The following RNF169 variants were observed in gnomAD, a reference collection of about 807,000 sequenced individuals.
RNF169 encodes the protein E3 ubiquitin-protein ligase RNF169.
Under a neutral mutation model 53.9 loss-of-function variants are expected in RNF169, and 24 were observed. The observed-to-expected ratio is 0.45, with a 90% confidence interval of 0.32 to 0.63. The LOEUF is 0.63. RNF169 is among the 20% of genes least tolerant of loss of function. RNF169 has a pLI of 0.04. For synonymous variants in RNF169, 396 were observed against 363.5 expected (o/e 1.09, Z -1.02); for missense variants, 883 against 906.2 (o/e 0.97, Z 0.33).
At chr11:74,768,606 TAA>T (rs35118389) in intron 1 of RNF169, among the ~76,000 whole-genome samples, 24 of 131,258 alleles carry the variant, frequency 1.8e-4, no homozygotes, top group Admixed American at 3.1e-4. Flanking sequence ...GACTCTGTCT[TAA>T]AAAAAAAAAA....
At chr11:74,780,807 G>T (rs891505507) in intron 1 of RNF169, among the ~76,000 whole-genome samples, 23 of 152,196 alleles carry the variant, frequency 1.5e-4, no homozygotes, top group Admixed American at 1.4e-3. Context: ...CAGGATTTCA[G>T]ACATTTGTGG....
rs1435331903 is a variant in RNF169, at chr11:74,762,218, A to G, written c.502+12836A>G. 4.0e-5 allele frequency among the ~76,000 whole-genome samples: 6 copies of G among 149,466 alleles called. No homozygotes were observed. In the East Asian group the frequency reaches 1.2e-3, roughly 29 times the overall value. On this transcript the variant is annotated intron_variant, in intron 1 of 5. Transcript: ENST00000299563. ...TTATACATTCTTCTAAATTTTTTTCAAAGTTTTCAACTTCTTTGCCTTTGG... is the reference window on the plus strand; with the variant it reads ...TTATACATTCTTCTAAATTTTTTTCGAAGTTTTCAACTTCTTTGCCTTTGG...
chr11:74,779,115 T>C (rs1202325614), intron 1 of RNF169, among the ~76,000 whole-genome samples: 1 of 152,236 alleles, frequency 6.6e-6, no homozygotes, highest in Non-Finnish European at 1.5e-5. Context: ...TTTGCAGTTG[T>C]TAACAATGTT....
chr11:74,782,914 T>G (rs965904916), intron 1 of RNF169, among the ~76,000 whole-genome samples: 3 of 151,882 alleles, frequency 2.0e-5, no homozygotes, highest in Admixed American at 6.6e-5. Flanking sequence ...GAGGTTTTTT[T>G]TTTTTTTTTT....
chr11:74,838,248 A>G lies in RNF169; in HGVS notation c.*1518A>G, dbSNP rs1355285119. 1.3e-5 allele frequency: 2 copies of G among 152,146 alleles called. No individual in the cohort carries two copies. The highest frequency in any genetic ancestry group is 2.9e-5 in the Non-Finnish European group (2 of 68,026). 9.4% of individuals were successfully genotyped at this position (152,146 alleles called of 1,614,324 possible). ...CTAGAAGCCAAAGTCCAGAACAGTGACCCATTGATCAAGGCAGATAGTATA... is the reference window on the plus strand; with the variant it reads ...CTAGAAGCCAAAGTCCAGAACAGTGGCCCATTGATCAAGGCAGATAGTATA... On this transcript the variant is annotated 3_prime_UTR_variant, in exon 6 of 6. Coordinates refer to ENST00000299563, the MANE Select transcript of RNF169 (RefSeq NM_001098638.2).
intron 2 of RNF169, among the ~76,000 whole-genome samples, chr11:74,802,929 G>C (rs1027412466): frequency 1.1e-4 from 16 of 150,902 alleles, no homozygotes; most frequent in Admixed American, 2.6e-4. Flanking sequence ...ATTTTTTTTG[G>C]GGGGGGGTGG....
At chr11:74,788,302 AAC>A (rs140848727) in intron 1 of RNF169, among the ~76,000 whole-genome samples, 39 of 150,060 alleles carry the variant, frequency 2.6e-4, no homozygotes, top group South Asian at 8.4e-4. Flanking sequence ...CATAAACATA[AAC>A]ACACACACAC....
At chr11:74,789,051 A>G (rs1404256091) in intron 1 of RNF169, among the ~76,000 whole-genome samples, 2 of 152,346 alleles carry the variant, frequency 1.3e-5, no homozygotes, top group East Asian at 3.9e-4. Context: ...TTATTGTAAA[A>G]TGGGCATAAT....
intron 4 of RNF169, among the ~76,000 whole-genome samples, chr11:74,819,968 C>A (rs2035987996): frequency 6.6e-6 from 1 of 152,076 alleles, no homozygotes; most frequent in Admixed American, 6.5e-5. Flanking sequence ...CTTAAAGTGG[C>A]TGTGCGTTCT....
chr11:74,820,856 C>T (rs1256747993), intron 4 of RNF169, among the ~76,000 whole-genome samples: 1 of 152,174 alleles, frequency 6.6e-6, no homozygotes, highest in Non-Finnish European at 1.5e-5. Context: ...GGGGTAGTGT[C>T]AGGAGCTAGC....
At chr11:74,824,557 T>C (rs2036064978) in intron 4 of RNF169, among the ~76,000 whole-genome samples, 1 of 152,258 alleles carries the variant, frequency 6.6e-6, no homozygotes, top group Non-Finnish European at 1.5e-5. Context: ...CACCAAGACA[T>C]GTTATAATCA....
intron 1 of RNF169, among the ~76,000 whole-genome samples, chr11:74,763,456 A>AAAT: frequency 6.6e-6 from 1 of 152,238 alleles, no homozygotes; most frequent in Non-Finnish European, 1.5e-5. Context: ...TAAGTGGCTA[A>AAAT]AGACTTTAAA....
intron 2 of RNF169, among the ~76,000 whole-genome samples, chr11:74,802,599 T>C (rs2035748410): frequency 6.6e-6 from 1 of 152,142 alleles, no homozygotes. Context: ...GCCAAGATCA[T>C]GCCATTGTGC....
chr11:74,780,395 C>A (rs2035400004), intron 1 of RNF169, among the ~76,000 whole-genome samples: 1 of 152,210 alleles, frequency 6.6e-6, no homozygotes, highest in Non-Finnish European at 1.5e-5. Context: ...CTATCTGACA[C>A]AACATAGTCA....
chr11:74,809,217 G>T (rs976356794), intron 2 of RNF169, among the ~76,000 whole-genome samples: 4 of 151,846 alleles, frequency 2.6e-5, no homozygotes, highest in African/African-American at 9.7e-5. Context: ...AAAAATATTA[G>T]TAGCCTATAA....
chr11:74,749,272 A>G lies in RNF169; in HGVS notation c.392A>G (p.Glu131Gly). ...DGQADSEVLG[E>G]CARRSQPERC... is the part of the protein sequence containing the mutation. ...CAGGCCGACTCAGAGGTGCTGGGCG[A>G]GTGCGCCCGCCGCAGCCAACCCGAG... Residue 131 changes from glutamate to glycine, a missense_variant, in exon 1 of 6, where the codon GAG becomes GGG. Around this residue, in one of 3 missense-constraint regions of RNF169, gnomAD observed 313 missense variants for 279.9 expected, o/e 1.12. Coordinates refer to ENST00000299563, the MANE Select transcript of RNF169 (RefSeq NM_001098638.2). 2 of 1,139,986 alleles carry G rather than the reference A, an allele frequency of 1.8e-6. No individual in the cohort carries two copies. Among genetic ancestry groups the G allele is most frequent in the Non-Finnish European group, 2.1e-6 (2 of 930,274 alleles). The allele number at this position is 1,139,986 out of a possible 1,614,324, so 70.6% of individuals were successfully genotyped here. A position where few individuals can be genotyped will look rare whatever the true frequency, so the allele number is the denominator to read the frequency against.
chr11:74,774,967 C>G lies in RNF169; in HGVS notation c.503-14659C>G, dbSNP rs150913249. ...AGAGACTGGACGACAGAGTGAGACT[C>G]CATCTCAAACAAAAAATAAATGAGA... On this transcript the variant is annotated intron_variant, in intron 1 of 5. Coordinates refer to ENST00000299563, the MANE Select transcript of RNF169 (RefSeq NM_001098638.2). Among the ~76,000 whole-genome samples the G allele has an allele frequency of 9.1e-3, 1,381 of 152,104 alleles. 26 individuals are homozygous for G. Among genetic ancestry groups the G allele is most frequent in the African/African-American group, 0.031 (1,303 of 41,492 alleles).
chr11:74,775,988 A>G (rs2035327318), intron 1 of RNF169, among the ~76,000 whole-genome samples: 1 of 152,174 alleles, frequency 6.6e-6, no homozygotes, highest in Admixed American at 6.6e-5. Flanking sequence ...TTCCTTAACC[A>G]TTCTAGTCAT....
Position 74,836,787 on chromosome 11 carries a change from G to A in RNF169, c.*57G>A. 2 of 1,320,394 alleles carry A rather than the reference G, an allele frequency of 1.5e-6. No individual in the cohort carries two copies. Among genetic ancestry groups the A allele is most frequent in the Admixed American group, 4.2e-5 (2 of 48,184 alleles). 81.8% of individuals were successfully genotyped at this position (1,320,394 alleles called of 1,614,324 possible). A position where few individuals can be genotyped will look rare whatever the true frequency, so the allele number is the denominator to read the frequency against. ...GTCTTAGGCCTTGATCATTTATCCT[G>A]AAGAGCTGAGTGTTCTCACTTTGGT... On this transcript the variant is annotated 3_prime_UTR_variant, in exon 6 of 6. Coordinates refer to ENST00000299563, the MANE Select transcript of RNF169 (RefSeq NM_001098638.2).
Sources: gnomAD v4.1 joint callset for allele counts (sites outside exome capture counted in the v4.1 genomes callset) on GRCh38, gnomAD v4.1.1 for gene constraint, gnomAD v4.1.1 regional missense constraint, MANE v1.5 for transcripts, NCBI Gene and HGNC (gene_info 2026-07-23, HGNC 2026-07-21) for gene names.